VPS50: variants seen among roughly 807,000 people sequenced by gnomAD.
VPS50 encodes the protein VPS50 subunit of EARP/GARPII complex.
In VPS50, 70 loss-of-function variants were observed where a neutral mutation model predicts 139.7. The observed-to-expected ratio is 0.50, with a 90% CI of 0.41 to 0.61. VPS50 has a LOEUF of 0.61. VPS50 is among the 20% of genes least tolerant of loss of function. The probability of loss-of-function intolerance (pLI) is 0.00; values close to 1 mark genes in which losing one functional copy is unlikely to be tolerated. For missense variants in VPS50, 921 were observed against 1,133.7 expected (o/e 0.81, Z 2.69); for synonymous variants, 365 against 376.7 (o/e 0.97, Z 0.36).
At chr7:93,327,637 A>G (rs1414908413) in intron 21 of VPS50, among the ~76,000 whole-genome samples, 1 of 152,236 alleles carries the variant, frequency 6.6e-6, no homozygotes, top group Non-Finnish European at 1.5e-5. Flanking sequence ...ATACTGAAAC[A>G]AAGAAAATCT....
At chr7:93,266,586 T>C (rs1176488573) in intron 9 of VPS50, among the ~76,000 whole-genome samples, 2 of 152,208 alleles carry the variant, frequency 1.3e-5, no homozygotes, top group African/African-American at 4.8e-5. Flanking sequence ...CCTGTAGTGA[T>C]GGTAAAAACC....
chr7:93,273,265 G>A (rs1796063049), intron 11 of VPS50: 1 of 151,998 alleles, frequency 6.6e-6, no homozygotes, highest in Admixed American at 6.6e-5. Flanking sequence ...TACTCTTACT[G>A]TTCAAGGGCT....
chr7:93,287,987 T>C (rs1373919244), intron 12 of VPS50, among the ~76,000 whole-genome samples: 1 of 152,138 alleles, frequency 6.6e-6, no homozygotes, highest in Non-Finnish European at 1.5e-5. Context: ...AGAGGTTTAA[T>C]TGACTCACAG....
At chr7:93,307,564 A>G (rs1308152655) in intron 18 of VPS50, among the ~76,000 whole-genome samples, 2 of 151,922 alleles carry the variant, frequency 1.3e-5, no homozygotes, top group African/African-American at 4.8e-5. Flanking sequence ...ACTGACTCCA[A>G]AAATATCAGA....
Position 93,291,770 on chromosome 7 carries a change from T to A in VPS50, c.1010T>A (p.Leu337His). The change falls in exon 13 of 28, where the codon CTC (leucine) becomes CAC (histidine). Residue 337 changes from leucine (L) to histidine (H), a missense_variant. Physicochemically the swap from Leu to His is moderately conservative, Grantham distance 99. Around this residue, in one of 3 missense-constraint regions of VPS50, gnomAD observed 744 missense variants for 930.6 expected, o/e 0.80. Coordinates refer to ENST00000305866, the MANE Select transcript of VPS50 (RefSeq NM_017667.4). ...TGCAAAGCACTATGGGAAGTTATGCTCAGCTATTATAGGACTATGGAATGG... is the reference window on the plus strand; with the variant it reads ...TGCAAAGCACTATGGGAAGTTATGCACAGCTATTATAGGACTATGGAATGG... ...DLCKALWEVM[L>H]SYYRTMEWHE... 1.9e-6 allele frequency: 3 copies of A among 1,602,760 alleles called. No homozygotes were observed. The highest frequency in any genetic ancestry group is 2.6e-6 in the Non-Finnish European group (3 of 1,171,040).
At chr7:93,253,174 A>G (rs1584390410) in intron 3 of VPS50, among the ~76,000 whole-genome samples, 2 of 152,354 alleles carry the variant, frequency 1.3e-5, no homozygotes, top group East Asian at 1.9e-4. Flanking sequence ...TTTTAAATTT[A>G]TAAGAACTTT....
rs1377159563 is a variant in VPS50, at chr7:93,347,049, T to C, written c.2208-1662T>C. ...CAGAGTGAGCAGGCAACCTACAAAA[T>C]GGGAGAAAATTTTCGCAACCTACTC... On this transcript the variant is annotated intron_variant, in intron 23 of 27. Transcript: ENST00000305866. Among the ~76,000 whole-genome samples the C allele has an allele frequency of 2.5e-3, 361 of 145,002 alleles. 3 individuals carry two copies. Among genetic ancestry groups the C allele is most frequent in the African/African-American group, 8.5e-3 (339 of 40,024 alleles).
At chr7:93,355,317 T>C (rs965032217) in intron 26 of VPS50, among the ~76,000 whole-genome samples, 16 of 152,166 alleles carry the variant, frequency 1.1e-4, no homozygotes, top group African/African-American at 3.9e-4. Context: ...TATTACTTAG[T>C]CCACCTTAAA....
At position 93,359,699 on chromosome 7, in the gene VPS50, A is replaced by T. The variant is rs1041306560; in HGVS notation, c.*1263A>T. The T allele has an allele frequency of 1.4e-4, 22 of 152,248 alleles. No homozygotes were observed. Among genetic ancestry groups the T allele is most frequent in the South Asian group, 4.2e-4 (2 of 4,814 alleles). The allele number at this position is 152,248 out of a possible 1,614,324, so 9.4% of individuals were successfully genotyped here. On this transcript the variant is annotated 3_prime_UTR_variant, in exon 28 of 28. Coordinates refer to ENST00000305866, the MANE Select transcript of VPS50 (RefSeq NM_017667.4). ...ATGTGAGAAACAGGCCTTGGGTCTT[A>T]TGAGTCTTCTGGGACCTAAGGTGAT...
intron 9 of VPS50, among the ~76,000 whole-genome samples, chr7:93,267,234 C>A (rs550892620): frequency 6.6e-6 from 1 of 152,230 alleles, no homozygotes; most frequent in South Asian, 2.1e-4. Context: ...CTTGTCCTTG[C>A]CTCTCTGCTT....
Position 93,300,743 on chromosome 7 carries a change from ATCAAGTTTGG to A in VPS50, c.1362-2714_1362-2705del, listed in dbSNP as rs768052526. 4.2e-3 allele frequency among the ~76,000 whole-genome samples: 637 copies of A among 152,092 alleles called. 6 individuals are homozygous for A. The highest frequency in any genetic ancestry group is 0.014 in the African/African-American group (581 of 41,526). ...AAAGTGTGCCCTTTGTTAACAGCTT[ATCAAGTTTGG>A]TCTCGTTTTGCTGTTGTTGATGTTG... On this transcript the variant is annotated intron_variant, in intron 16 of 27. Transcript: ENST00000305866.
At chr7:93,243,836 T>C (rs1271891642) in intron 2 of VPS50, among the ~76,000 whole-genome samples, 1 of 151,940 alleles carries the variant, frequency 6.6e-6, no homozygotes, top group Non-Finnish European at 1.5e-5. Flanking sequence ...CAGAACCTTA[T>C]AAAATCTACA....
intron 22 of VPS50, among the ~76,000 whole-genome samples, chr7:93,338,179 T>G (rs138383778): frequency 4.2e-4 from 64 of 152,222 alleles, no homozygotes; most frequent in Admixed American, 2.6e-3. Flanking sequence ...ACGAGCTATG[T>G]GATGAGGGTG....
At chr7:93,329,460 A>G (rs1410390271) in intron 21 of VPS50, among the ~76,000 whole-genome samples, 10 of 152,058 alleles carry the variant, frequency 6.6e-5, no homozygotes, top group Non-Finnish European at 1.5e-4. Context: ...GTTCGATTAT[A>G]TCACATGGTA....
intron 20 of VPS50, among the ~76,000 whole-genome samples, chr7:93,321,784 G>T (rs138255424): frequency 6.6e-6 from 1 of 152,258 alleles, no homozygotes; most frequent in East Asian, 1.9e-4. Flanking sequence ...TCGTGTTCTA[G>T]ATGCATGCCA....
chr7:93,251,363 A>G (rs1795321621), intron 2 of VPS50, among the ~76,000 whole-genome samples: 2 of 152,316 alleles, frequency 1.3e-5, no homozygotes, highest in South Asian at 2.1e-4. Flanking sequence ...GGATGAGTTC[A>G]TGTCCTTTGC....
At chr7:93,236,981 C>T (rs1794825359) in intron 1 of VPS50, among the ~76,000 whole-genome samples, 2 of 112,476 alleles carry the variant, frequency 1.8e-5, no homozygotes, top group Admixed American at 2.4e-4. Context: ...GAGACAGTCT[C>T]ACTCTGTCGC....
At chr7:93,317,617 T>C (rs1006870208) in intron 20 of VPS50, among the ~76,000 whole-genome samples, 8 of 152,128 alleles carry the variant, frequency 5.3e-5, no homozygotes, top group Non-Finnish European at 1.2e-4. Context: ...TCTGATTCAG[T>C]AGGTCTAGGG....
At chr7:93,236,379 A>C (rs1370041950) in intron 1 of VPS50, among the ~76,000 whole-genome samples, 1 of 152,214 alleles carries the variant, frequency 6.6e-6, no homozygotes, top group Non-Finnish European at 1.5e-5. Context: ...CGAAAGGAGA[A>C]GGAAACACAA....
Sources: allele counts gnomAD v4.1 joint callset (sites outside exome capture counted in the v4.1 genomes callset), GRCh38; gene constraint gnomAD v4.1.1; regional missense constraint gnomAD v4.1.1; transcripts MANE v1.5; gene names NCBI Gene and HGNC (gene_info 2026-07-23, HGNC 2026-07-21).